Variants in LZTFL1 observed in about 807,000 individuals in gnomAD.
LZTFL1 encodes the protein leucine zipper transcription factor-like protein 1.
Under a neutral mutation model 45.9 loss-of-function variants are expected in LZTFL1, and 25 were observed. The ratio of observed to expected loss-of-function variants is 0.54; its 90% CI spans 0.40 to 0.76. The LOEUF is 0.76. Ranked by LOEUF, LZTFL1 falls within the 30% of genes least tolerant of loss-of-function variation. The pLI, the probability that LZTFL1 is intolerant of heterozygous loss-of-function variation, is 0.00. For missense variants in LZTFL1, 277 were observed against 331.1 expected (o/e 0.84, Z 1.27); for synonymous variants, 93 against 117.4 (o/e 0.79, Z 1.35).
chr3:45,890,250 G>A (rs1408780910), intron 2 of LZTFL1, among the ~76,000 whole-genome samples: 1 of 1,450 alleles, frequency 6.9e-4, no homozygotes, highest in Non-Finnish European at 1.6e-3. Flanking sequence ...TAAGCCCTGG[G>A]TATTAGAAAT....
At position 45,824,913 on chromosome 3, in the gene LZTFL1, G is replaced by A. The variant is rs1700625680; in HGVS notation, c.*1401C>T. ...GAGGAGAAAATACATAGTAAATGCTGGCTCGTTATTGCATTTTATTCTCTC... is the reference window on the plus strand; with the variant it reads ...GAGGAGAAAATACATAGTAAATGCTAGCTCGTTATTGCATTTTATTCTCTC... On this transcript the variant is annotated 3_prime_UTR_variant, in exon 10 of 10. Transcript: ENST00000296135. 1.0e-5 allele frequency: 4 copies of A among 398,226 alleles called. No homozygotes were observed. Among genetic ancestry groups the A allele is most frequent in the Non-Finnish European group, 1.8e-5 (4 of 225,930 alleles). The allele number at this position is 398,226 out of a possible 1,614,324, so 24.7% of individuals were successfully genotyped here. A position where few individuals can be genotyped will look rare whatever the true frequency, so the allele number is the denominator to read the frequency against.
chr3:45,886,026 G>A (rs1241619876), intron 2 of LZTFL1, among the ~76,000 whole-genome samples: 1 of 152,178 alleles, frequency 6.6e-6, no homozygotes, highest in Non-Finnish European at 1.5e-5. Flanking sequence ...GCCCTAGTTA[G>A]CATTTTAATT....
chr3:45,890,350 C>CATATATATATATAACATAT lies in LZTFL1; in HGVS notation c.-215+22769_-215+22770insATATGTTATATATATATAT, dbSNP rs1559421663. ...ATATATATATAACATATATATATAA[C>CATATATATATATAACATAT]ATATATATATATATAACATATATAA... is the stretch of plus-strand genomic sequence containing the variant. On this transcript the variant is annotated intron_variant, in intron 2 of 4. Coordinates refer to the LZTFL1 transcript ENST00000472635. Among the ~76,000 whole-genome samples the CATATATATATATAACATAT allele has an allele frequency of 9.5e-3, 220 of 23,074 alleles. 79 individuals are homozygous for CATATATATATATAACATAT. The highest frequency in any genetic ancestry group is 0.034 in the African/African-American group (195 of 5,736). 15.1% of individuals were successfully genotyped at this position (23,074 alleles called of 152,430 possible).
At chr3:45,865,673 C>T (rs565607977) in intron 2 of LZTFL1, among the ~76,000 whole-genome samples, 6 of 152,204 alleles carry the variant, frequency 3.9e-5, no homozygotes, top group Non-Finnish European at 5.9e-5. Context: ...AGAGAGGGAA[C>T]GATGAATTCA....
chr3:45,905,766 G>A (rs1391724875), intron 2 of LZTFL1, among the ~76,000 whole-genome samples: 1 of 152,218 alleles, frequency 6.6e-6, no homozygotes, highest in African/African-American at 2.4e-5. Flanking sequence ...CCCTCATGGT[G>A]CACTTTTGAA....
At chr3:45,842,252 A>C (rs1271412408), upstream of LZTFL1, 3 of 1,196,150 alleles carry the variant, frequency 2.5e-6, no homozygotes, top group Non-Finnish European at 3.4e-6. Context: ...CGGAAGTCCC[A>C]CCTTTTTGTG....
chr3:45,846,386 G>A (rs1386735948), upstream of LZTFL1, among the ~76,000 whole-genome samples: 3 of 152,138 alleles, frequency 2.0e-5, no homozygotes, highest in East Asian at 5.8e-4. Flanking sequence ...TTTATATTTT[G>A]TGGTTTCTTT....
chr3:45,859,739 C>T (rs1224206982), intron 2 of LZTFL1, among the ~76,000 whole-genome samples: 3 of 149,264 alleles, frequency 2.0e-5, no homozygotes, highest in Non-Finnish European at 3.0e-5. Context: ...CAGGTTAAAG[C>T]GATTCTCATG....
At position 45,825,501 on chromosome 3, in the gene LZTFL1, TTAAA is replaced by T. The variant is rs1441915971; in HGVS notation, c.*809_*812del. 1 of 152,184 alleles carries T rather than the reference TTAAA, an allele frequency of 6.6e-6. No individual in the cohort carries two copies. The highest frequency in any genetic ancestry group is 1.5e-5 in the Non-Finnish European group (1 of 68,000). The allele number at this position is 152,184 out of a possible 1,614,324, so 9.4% of individuals were successfully genotyped here. On this transcript the variant is annotated 3_prime_UTR_variant, in exon 10 of 10. Transcript: ENST00000296135. ...TGATTTTATGTTGAATATACGTCTT[TTAAA>T]AAGTGTTCTTATTGAACATAAAATG...
At chr3:45,881,082 C>T (rs370228609) in intron 2 of LZTFL1, among the ~76,000 whole-genome samples, 4 of 152,184 alleles carry the variant, frequency 2.6e-5, no homozygotes, top group African/African-American at 9.7e-5. Context: ...AATAAAAAAT[C>T]CTCTGACTGG....
intron 2 of LZTFL1, among the ~76,000 whole-genome samples, chr3:45,873,447 C>T (rs1284653512): frequency 6.6e-6 from 1 of 152,308 alleles, no homozygotes; most frequent in East Asian, 1.9e-4. Flanking sequence ...CCCATCTTTA[C>T]ATTACAGTTA....
Position 45,847,363 on chromosome 3 carries a change from C to T in LZTFL1, c.-49+7623G>A, listed in dbSNP as rs143742323. ...TTCCAGACCTCCATGATGTTGTCTC[C>T]GCTGGGGTTCTCCTCCACAGCATTG... is the stretch of plus-strand genomic sequence containing the variant. On this transcript the variant is annotated intron_variant, in intron 4 of 4. Coordinates refer to the LZTFL1 transcript ENST00000472635. 5.3e-5 allele frequency among the ~76,000 whole-genome samples: 8 copies of T among 152,196 alleles called. No individual in the cohort carries two copies. In the East Asian group the frequency reaches 1.2e-3, roughly 22 times the overall value.
At chr3:45,905,686 A>G (rs1300941147) in intron 2 of LZTFL1, among the ~76,000 whole-genome samples, 1 of 152,210 alleles carries the variant, frequency 6.6e-6, no homozygotes, top group Non-Finnish European at 1.5e-5. Context: ...GAGACAGAGA[A>G]TAGCGTCATC....
intron 2 of LZTFL1, among the ~76,000 whole-genome samples, chr3:45,910,265 A>C (rs1702767801): frequency 6.6e-6 from 1 of 152,068 alleles, no homozygotes; most frequent in Non-Finnish European, 1.5e-5. Flanking sequence ...AGTTGGAGTG[A>C]CGGTGGTGGT....
intron 2 of LZTFL1, among the ~76,000 whole-genome samples, chr3:45,861,626 G>A (rs1045866696): frequency 6.6e-6 from 1 of 152,156 alleles, no homozygotes; most frequent in South Asian, 2.1e-4. Flanking sequence ...GCCTCTCTGT[G>A]CATGTGTGTG....
chr3:45,854,224 C>T (rs541513830), intron 4 of LZTFL1, among the ~76,000 whole-genome samples: 1 of 152,282 alleles, frequency 6.6e-6, no homozygotes, highest in African/African-American at 2.4e-5. Flanking sequence ...CTGTGTAATT[C>T]CATTCATTCC....
chr3:45,893,630 C>T (rs1243590275), intron 2 of LZTFL1, among the ~76,000 whole-genome samples: 1 of 152,224 alleles, frequency 6.6e-6, no homozygotes, highest in Non-Finnish European at 1.5e-5. Flanking sequence ...CTGTGTGAAT[C>T]GGTCATTCAT....
intron 2 of LZTFL1, chr3:45,895,139 A>G (rs1702311804): frequency 3.1e-6 from 2 of 644,802 alleles, no homozygotes; most frequent in Non-Finnish European, 5.5e-6. Context: ...TGCAAATGCA[A>G]AGAGGCAGCT....
chr3:45,898,226 A>G (rs551619179), intron 2 of LZTFL1, among the ~76,000 whole-genome samples: 1 of 152,106 alleles, frequency 6.6e-6, no homozygotes, highest in African/African-American at 2.4e-5. Context: ...CTTTCACTCA[A>G]AGTCCACTCA....
Sources: gnomAD v4.1 joint callset for allele counts (sites outside exome capture counted in the v4.1 genomes callset) on GRCh38, gnomAD v4.1.1 for gene constraint, MANE v1.5 for transcripts, NCBI Gene and HGNC (gene_info 2026-07-23, HGNC 2026-07-21) for gene names.